FBXL7: variants seen among roughly 807,000 people sequenced by gnomAD.
The protein encoded by FBXL7 is F-box/LRR-repeat protein 7.
Under a neutral mutation model 38.3 loss-of-function variants are expected in FBXL7, and 12 were observed. That is an observed-to-expected ratio of 0.31 (90% confidence interval 0.20 to 0.51). The LOEUF is 0.51. Ranked by LOEUF, FBXL7 falls within the 20% of genes least tolerant of loss-of-function variation. The pLI, the probability that FBXL7 is intolerant of heterozygous loss-of-function variation, is 0.98. For synonymous variants in FBXL7, 297 were observed against 300.9 expected (o/e 0.99, Z 0.13); for missense variants, 567 against 676.4 (o/e 0.84, Z 1.79).
At chr5:15,841,018 T>C (rs1396770069) in intron 2 of FBXL7, among the ~76,000 whole-genome samples, 1 of 152,152 alleles carries the variant, frequency 6.6e-6, no homozygotes, top group Non-Finnish European at 1.5e-5. Flanking sequence ...GTGTGTCTTG[T>C]ATCTGACAAC....
chr5:15,693,498 G>A (rs1028569415), intron 2 of FBXL7, among the ~76,000 whole-genome samples: 1 of 152,180 alleles, frequency 6.6e-6, no homozygotes, highest in Non-Finnish European at 1.5e-5. Flanking sequence ...GTAGAGAAGT[G>A]CAGGGTCTCT....
chr5:15,723,242 T>C (rs187080327), intron 2 of FBXL7, among the ~76,000 whole-genome samples: 1 of 152,268 alleles, frequency 6.6e-6, no homozygotes, highest in African/African-American at 2.4e-5. Flanking sequence ...AACAGAGACA[T>C]ATTGGAAATT....
chr5:15,770,260 C>T (rs1473211701), intron 2 of FBXL7, among the ~76,000 whole-genome samples: 1 of 152,186 alleles, frequency 6.6e-6, no homozygotes, highest in Non-Finnish European at 1.5e-5. Flanking sequence ...GTGTGCCCAG[C>T]CTGGGTGATG....
intron 2 of FBXL7, among the ~76,000 whole-genome samples, chr5:15,721,193 AT>A (rs1180363795): frequency 4.6e-5 from 7 of 152,020 alleles, no homozygotes; most frequent in African/African-American, 1.7e-4. Context: ...GACTAGGCAA[AT>A]TTTCATTTTA....
intron 2 of FBXL7, among the ~76,000 whole-genome samples, chr5:15,882,336 C>G (rs1206813679): frequency 6.6e-6 from 1 of 152,126 alleles, no homozygotes; most frequent in Non-Finnish European, 1.5e-5. Context: ...GAAGTGGTGG[C>G]GCCAGGTCAT....
intron 2 of FBXL7, among the ~76,000 whole-genome samples, chr5:15,795,284 C>T (rs910520380): frequency 6.6e-5 from 10 of 152,172 alleles, no homozygotes; most frequent in African/African-American, 1.2e-4. Context: ...TAGGTATTTA[C>T]ACTCACAGAA....
intron 1 of FBXL7, among the ~76,000 whole-genome samples, chr5:15,512,565 A>C (rs893119182): frequency 7.9e-5 from 12 of 152,228 alleles, no homozygotes; most frequent in African/African-American, 9.6e-5. Flanking sequence ...CGTAAAAAGA[A>C]GTTTCTCTGG....
intron 2 of FBXL7, among the ~76,000 whole-genome samples, chr5:15,695,144 A>G (rs6554897): frequency 0.66 from 101,049 of 151,974 alleles, 33,889 homozygotes; most frequent in East Asian, 0.74. Context: ...TTTTAGAGTC[A>G]AAAGAAAGGA....
At chr5:15,882,726 A>G (rs368209322) in intron 2 of FBXL7, among the ~76,000 whole-genome samples, 1 of 152,188 alleles carries the variant, frequency 6.6e-6, no homozygotes, top group African/African-American at 2.4e-5. Context: ...GAAGAAAACC[A>G]TACCATATGG....
chr5:15,778,888 G>A (rs1487007469), intron 2 of FBXL7, among the ~76,000 whole-genome samples: 2 of 152,134 alleles, frequency 1.3e-5, no homozygotes, highest in African/African-American at 4.8e-5. Context: ...GGGATAATGT[G>A]TTTAATAGCA....
chr5:15,637,859 A>G (rs938017466), intron 2 of FBXL7, among the ~76,000 whole-genome samples: 2 of 152,258 alleles, frequency 1.3e-5, no homozygotes, highest in African/African-American at 4.8e-5. Flanking sequence ...ATATTTTTAA[A>G]AGAATTTCTA....
chr5:15,846,419 A>G (rs1231120943), intron 2 of FBXL7, among the ~76,000 whole-genome samples: 1 of 152,250 alleles, frequency 6.6e-6, no homozygotes, highest in African/African-American at 2.4e-5. Flanking sequence ...CCGAGGCACA[A>G]TAAAATTTTC....
chr5:15,507,653 A>T (rs2126350308), intron 1 of FBXL7, among the ~76,000 whole-genome samples: 1 of 152,340 alleles, frequency 6.6e-6, no homozygotes, highest in Admixed American at 6.5e-5. Context: ...ATCTAGAGTG[A>T]ATAAATTTCT....
At chr5:15,714,006 A>G (rs1391128097) in intron 2 of FBXL7, among the ~76,000 whole-genome samples, 2 of 152,222 alleles carry the variant, frequency 1.3e-5, no homozygotes, top group Non-Finnish European at 2.9e-5. Flanking sequence ...ATCTGTGACT[A>G]TGTTGTTACA....
chr5:15,859,959 A>G (rs1450703975), intron 2 of FBXL7, among the ~76,000 whole-genome samples: 1 of 152,230 alleles, frequency 6.6e-6, no homozygotes, highest in Non-Finnish European at 1.5e-5. Flanking sequence ...TATCCTCTTT[A>G]TCAATAAAAC....
At chr5:15,853,228 A>G (rs1474362042) in intron 2 of FBXL7, among the ~76,000 whole-genome samples, 1 of 152,190 alleles carries the variant, frequency 6.6e-6, no homozygotes, top group African/African-American at 2.4e-5. Context: ...ACTGAGTGCC[A>G]TAGAGCATGG....
At chr5:15,855,431 C>A (rs1177057895) in intron 2 of FBXL7, among the ~76,000 whole-genome samples, 1 of 151,910 alleles carries the variant, frequency 6.6e-6, no homozygotes, top group Non-Finnish European at 1.5e-5. Flanking sequence ...CAGTGGACAC[C>A]CATACTTTTA....
At chr5:15,760,936 A>G (rs1736423582) in intron 2 of FBXL7, among the ~76,000 whole-genome samples, 3 of 151,850 alleles carry the variant, frequency 2.0e-5, no homozygotes, top group Admixed American at 2.0e-4. Context: ...AAAGAATGAG[A>G]CAGAAAAAAA....
intron 2 of FBXL7, among the ~76,000 whole-genome samples, chr5:15,646,638 T>C (rs748771406): frequency 1.3e-5 from 2 of 152,234 alleles, no homozygotes; most frequent in Non-Finnish European, 2.9e-5. Flanking sequence ...GTTTAAACAC[T>C]ACACTGTTGA....
Sources: allele counts gnomAD v4.1 joint callset (sites outside exome capture counted in the v4.1 genomes callset), GRCh38; gene constraint gnomAD v4.1.1; transcripts MANE v1.5; gene names NCBI Gene and HGNC (gene_info 2026-07-23, HGNC 2026-07-21).